Variants in PLXNC1 observed in about 807,000 individuals in gnomAD.
The protein encoded by PLXNC1 is plexin-C1.
In PLXNC1, 75 loss-of-function variants were observed where a neutral mutation model predicts 178.2. The ratio of observed to expected loss-of-function variants is 0.42; its 90% CI spans 0.35 to 0.51. The LOEUF (loss-of-function observed/expected upper bound fraction) is 0.51. Among genes scored for constraint, PLXNC1 ranks in the 20% least tolerant of loss-of-function variants. The probability of loss-of-function intolerance (pLI) is 0.02; values close to 1 mark genes in which losing one functional copy is unlikely to be tolerated. For missense variants in PLXNC1, 1,503 were observed against 1,984.4 expected (o/e 0.76, Z 4.61); for synonymous variants, 790 against 779.9 (o/e 1.01, Z -0.22).
rs190956203 is a variant in PLXNC1, at chr12:94,301,171, A to G, written c.4386+114A>G. On this transcript the variant is annotated intron_variant, in intron 28 of 30. Coordinates refer to ENST00000258526, the MANE Select transcript of PLXNC1 (RefSeq NM_005761.3). Reference sequence around the variant, plus strand: ...GGTCTAAACTACACCAGCTAAAAAGAGATAGCAAGGGCCACTGTCAATTTG... The same window carrying G: ...GGTCTAAACTACACCAGCTAAAAAGGGATAGCAAGGGCCACTGTCAATTTG... The G allele has an allele frequency of 7.8e-4, 565 of 725,988 alleles. 3 individuals carry two copies. In the African/African-American group the frequency reaches 9.1e-3, roughly 12 times the overall value. The allele number at this position is 725,988 out of a possible 1,614,324, so 45.0% of individuals were successfully genotyped here. A position where few individuals can be genotyped will look rare whatever the true frequency, so the allele number is the denominator to read the frequency against.
chr12:94,188,528 T>C (rs1173077631), intron 4 of PLXNC1, among the ~76,000 whole-genome samples: 2 of 152,118 alleles, frequency 1.3e-5, no homozygotes, highest in Non-Finnish European at 2.9e-5. Flanking sequence ...TTCACCATGT[T>C]GGCCAGGTTG....
At chr12:94,175,617 A>G (rs1354574824) in intron 2 of PLXNC1, among the ~76,000 whole-genome samples, 1 of 152,266 alleles carries the variant, frequency 6.6e-6, no homozygotes, top group Non-Finnish European at 1.5e-5. Flanking sequence ...ATATGTTGAC[A>G]CGAACTGAAA....
chr12:94,193,114 C>G (rs549356838), intron 4 of PLXNC1, among the ~76,000 whole-genome samples: 6 of 152,208 alleles, frequency 3.9e-5, no homozygotes, highest in Admixed American at 2.6e-4. Flanking sequence ...CCAGGCTGTA[C>G]AAAGGCCAGG....
Position 94,167,956 on chromosome 12 carries a change from A to G in PLXNC1, c.1063-1197A>G, listed in dbSNP as rs547242509. The stretch of plus-strand genomic sequence containing the variant: ...AGATGGCACTTTAAAGGCTTCAGAA[A>G]TCAATTTAGTCCCATAATCCATTTA... On this transcript the variant is annotated intron_variant, in intron 1 of 30. Transcript: ENST00000258526. 7.2e-4 allele frequency: 110 copies of G among 152,364 alleles called. 1 individual carries two copies. Among genetic ancestry groups the G allele is most frequent in the African/African-American group, 2.5e-3 (104 of 41,588 alleles). The allele number at this position is 152,364 out of a possible 1,614,324, so 9.4% of individuals were successfully genotyped here.
At chr12:94,264,973 G>A (rs1323990618) in intron 20 of PLXNC1, 106 bp from the exon 21 acceptor site, 2 of 1,166,306 alleles carry the variant, frequency 1.7e-6, no homozygotes, top group Non-Finnish European at 2.5e-6. Flanking sequence ...TTGAGTGTTA[G>A]AAAACCCTGT....
chr12:94,207,247 A>C (rs1236568630), intron 4 of PLXNC1, among the ~76,000 whole-genome samples: 1 of 152,140 alleles, frequency 6.6e-6, no homozygotes, highest in Non-Finnish European at 1.5e-5. Flanking sequence ...TATATATAAA[A>C]ACAAGGAATT....
intron 21 of PLXNC1, among the ~76,000 whole-genome samples, chr12:94,276,565 A>G (rs1965976447): frequency 6.6e-6 from 1 of 152,212 alleles, no homozygotes; most frequent in African/African-American, 2.4e-5. Flanking sequence ...TCTGGCTTCA[A>G]TTCCTGGTTC....
At chr12:94,277,478 T>C (rs957521149) in intron 21 of PLXNC1, among the ~76,000 whole-genome samples, 8 of 152,206 alleles carry the variant, frequency 5.3e-5, no homozygotes, top group African/African-American at 1.9e-4. Context: ...ACATGCCAGA[T>C]GCTGTTCTAA....
rs139843623 is a variant in PLXNC1, at chr12:94,197,727, G to T, written c.1439+11254G>T. On this transcript the variant is annotated intron_variant, in intron 4 of 30. Transcript: ENST00000258526. Reference sequence around the variant, plus strand: ...GGGGGCCATTATTCTGCCTACTACTGGTTGTACAAGTAATGGATTCAACTC... The same window carrying T: ...GGGGGCCATTATTCTGCCTACTACTTGTTGTACAAGTAATGGATTCAACTC... Among the ~76,000 whole-genome samples, 685 of 152,224 alleles carry T rather than the reference G, an allele frequency of 4.5e-3. 5 individuals carry two copies. The highest frequency in any genetic ancestry group is 0.016 in the African/African-American group (651 of 41,526).
chr12:94,164,618 A>C (rs61927395), intron 1 of PLXNC1, among the ~76,000 whole-genome samples: 13,972 of 151,624 alleles, frequency 0.092, 745 homozygotes, highest in Admixed American at 0.13. Context: ...AGCAGCTGCA[A>C]AGAAGTCTAA....
chr12:94,160,270 G>T (rs544864142), intron 1 of PLXNC1, among the ~76,000 whole-genome samples: 1 of 152,224 alleles, frequency 6.6e-6, no homozygotes, highest in East Asian at 1.9e-4. Flanking sequence ...AGTGTTTCTA[G>T]AACTGGAAAA....
chr12:94,254,922 G>C, intron 16 of PLXNC1, 34 bp downstream of exon 16: 2 of 1,491,020 alleles, frequency 1.3e-6, no homozygotes, highest in Non-Finnish European at 1.8e-6. Context: ...AGAAAAACAA[G>C]CCTTTTATAT....
intron 21 of PLXNC1, among the ~76,000 whole-genome samples, chr12:94,267,351 G>A (rs963235439): frequency 5.9e-5 from 9 of 152,130 alleles, no homozygotes; most frequent in Admixed American, 5.9e-4. Flanking sequence ...CTTTCATTTC[G>A]AAACATTATT....
chr12:94,242,340 ACT>A (rs755746484), intron 11 of PLXNC1, among the ~76,000 whole-genome samples: 9 of 113,184 alleles, frequency 8.0e-5, no homozygotes, highest in Non-Finnish European at 1.3e-4. Context: ...TGACAGTCTC[ACT>A]CTGTCACCCA....
At chr12:94,249,212 A>G (rs1233988561) in intron 14 of PLXNC1, among the ~76,000 whole-genome samples, 2 of 152,158 alleles carry the variant, frequency 1.3e-5, no homozygotes, top group African/African-American at 2.4e-5. Context: ...GTCCATCTGT[A>G]TGATAAATGG....
intron 28 of PLXNC1, among the ~76,000 whole-genome samples, chr12:94,303,184 A>T (rs1968644028): frequency 6.6e-6 from 1 of 152,222 alleles, no homozygotes; most frequent in Non-Finnish European, 1.5e-5. Context: ...CTGCAAAATC[A>T]CACATCAGAG....
chr12:94,207,442 G>A (rs1299315972), intron 4 of PLXNC1, among the ~76,000 whole-genome samples: 1 of 151,814 alleles, frequency 6.6e-6, no homozygotes, highest in African/African-American at 2.4e-5. Flanking sequence ...GGCATGAGGA[G>A]GAGTCAGACA....
At chr12:94,298,159 G>C (rs1399616508) in intron 26 of PLXNC1, among the ~76,000 whole-genome samples, 1 of 152,228 alleles carries the variant, frequency 6.6e-6, no homozygotes, top group Non-Finnish European at 1.5e-5. Flanking sequence ...ATAGAGCCCA[G>C]CCTATTTGGC....
intron 24 of PLXNC1, among the ~76,000 whole-genome samples, chr12:94,296,107 T>A (rs1282201265): frequency 6.6e-6 from 1 of 152,178 alleles, no homozygotes; most frequent in Non-Finnish European, 1.5e-5. Flanking sequence ...ACCTGTACTT[T>A]CTTTTCCTCT....
Sources: gnomAD v4.1 joint callset for allele counts (sites outside exome capture counted in the v4.1 genomes callset) on GRCh38, gnomAD v4.1.1 for gene constraint, MANE v1.5 for transcripts, NCBI Gene and HGNC (gene_info 2026-07-23, HGNC 2026-07-21) for gene names.